CCDC171: variants seen among roughly 807,000 people sequenced by gnomAD.
The protein encoded by CCDC171 is coiled-coil domain-containing protein 171.
In CCDC171, 177 loss-of-function variants were observed where a neutral mutation model predicts 168.2. The observed-to-expected ratio is 1.05, with a 90% confidence interval of 0.93 to 1.19. The LOEUF (loss-of-function observed/expected upper bound fraction) is 1.19, where lower values mean the gene tolerates loss of function less well. Among genes scored for constraint, CCDC171 ranks in the 50% most tolerant of loss-of-function variants. The pLI is 0.00. For synonymous variants in CCDC171, 687 were observed against 540.8 expected, an observed-to-expected ratio of 1.27 and a Z score of -3.75; for missense variants, 1,991 against 1,539.0, an observed-to-expected ratio of 1.29 and a Z score of -4.91.
At chr9:15,947,939 A>G (rs1234424202) in intron 25 of CCDC171, among the ~76,000 whole-genome samples, 1 of 151,726 alleles carries the variant, frequency 6.6e-6, no homozygotes, top group Admixed American at 6.6e-5. Flanking sequence ...CTCATCATCT[A>G]GCATTGGGTA....
chr9:15,896,992 A>G (rs893318277), intron 24 of CCDC171, among the ~76,000 whole-genome samples: 1 of 152,110 alleles, frequency 6.6e-6, no homozygotes, highest in Non-Finnish European at 1.5e-5. Context: ...GCAGTGCAAG[A>G]TGAAAGCCTT....
upstream of CCDC171, among the ~76,000 whole-genome samples, chr9:16,037,922 A>G (rs1833502599): frequency 1.3e-5 from 2 of 152,186 alleles, no homozygotes; most frequent in African/African-American, 4.8e-5. Flanking sequence ...TACAATGTCT[A>G]AAAGATAAAT....
downstream of CCDC171, among the ~76,000 whole-genome samples, chr9:16,065,581 T>C (rs1411326901): frequency 6.6e-6 from 1 of 152,078 alleles, no homozygotes; most frequent in East Asian, 1.9e-4. Flanking sequence ...GCCACAACCA[T>C]GTGAGCACCA....
At chr9:16,075,933 A>T in the CCDC171 span, among the ~76,000 whole-genome samples, 1 of 152,206 alleles carries the variant, frequency 6.6e-6, no homozygotes, top group Non-Finnish European at 1.5e-5. Context: ...TCCCACCAGT[A>T]AGCACACTGT....
intron 6 of CCDC171, among the ~76,000 whole-genome samples, chr9:15,596,158 A>G (rs1166734701): frequency 2.0e-5 from 3 of 152,074 alleles, no homozygotes; most frequent in African/African-American, 4.8e-5. Flanking sequence ...ATTAGATCCC[A>G]TTTGTCAATT....
intron 21 of CCDC171, among the ~76,000 whole-genome samples, chr9:15,824,231 C>T (rs1006303561): frequency 6.6e-5 from 10 of 151,968 alleles, no homozygotes; most frequent in African/African-American, 2.4e-4. Context: ...ATACACTCTA[C>T]AGTTTATGTA....
At chr9:15,904,055 G>A (rs1027950717) in intron 24 of CCDC171, among the ~76,000 whole-genome samples, 1 of 152,184 alleles carries the variant, frequency 6.6e-6, no homozygotes, top group Non-Finnish European at 1.5e-5. Flanking sequence ...TCTGATTGGT[G>A]TACCTGAAAG....
chr9:16,063,257 A>G (rs573341929), downstream of CCDC171, among the ~76,000 whole-genome samples: 1 of 152,272 alleles, frequency 6.6e-6, no homozygotes, highest in South Asian at 2.1e-4. Context: ...GGGACTCCAG[A>G]TGCCCCAGGC....
chr9:15,830,890 A>G (rs2060201344), intron 21 of CCDC171, among the ~76,000 whole-genome samples: 1 of 151,870 alleles, frequency 6.6e-6, no homozygotes, highest in Non-Finnish European at 1.5e-5. Flanking sequence ...TGAATAATTC[A>G]TTATATTATA....
At chr9:15,834,632 C>G (rs910377740) in intron 21 of CCDC171, among the ~76,000 whole-genome samples, 1 of 152,078 alleles carries the variant, frequency 6.6e-6, no homozygotes, top group South Asian at 2.1e-4. Flanking sequence ...GTATTATTTT[C>G]TATGTTTTAG....
intron 12 of CCDC171, among the ~76,000 whole-genome samples, chr9:15,722,087 T>C (rs2053522028): frequency 6.6e-6 from 1 of 152,242 alleles, no homozygotes; most frequent in African/African-American, 2.4e-5. Flanking sequence ...AGTCACACTA[T>C]TATTTTCAAA....
chr9:16,047,504 C>T (rs537682989), intron 1 of CCDC171, among the ~76,000 whole-genome samples: 1 of 152,312 alleles, frequency 6.6e-6, no homozygotes, highest in African/African-American at 2.4e-5. Context: ...CCAGGTGGTC[C>T]CCCTGTCTCT....
chr9:15,902,092 C>T (rs895079201), intron 24 of CCDC171, among the ~76,000 whole-genome samples: 3 of 152,066 alleles, frequency 2.0e-5, no homozygotes, highest in Non-Finnish European at 2.9e-5. Flanking sequence ...ATATTAAACA[C>T]ATACTCTGTC....
chr9:15,772,803 G>C (rs1313244454), intron 18 of CCDC171, among the ~76,000 whole-genome samples: 10 of 152,104 alleles, frequency 6.6e-5, no homozygotes, highest in Admixed American at 6.6e-4. Flanking sequence ...GACTAGAGAA[G>C]AGTGCGTCTT....
At chr9:15,581,262 T>C (rs1017343127) in intron 4 of CCDC171, among the ~76,000 whole-genome samples, 4 of 152,128 alleles carry the variant, frequency 2.6e-5, no homozygotes, top group African/African-American at 7.2e-5. Flanking sequence ...TACAAACCAC[T>C]GCTCAAGGAA....
At chr9:16,068,900 C>T in the CCDC171 span, among the ~76,000 whole-genome samples, 1 of 152,218 alleles carries the variant, frequency 6.6e-6, no homozygotes, top group Non-Finnish European at 1.5e-5. Flanking sequence ...CGCCTGCCTC[C>T]TGGCTCAGCA....
chr9:15,678,304 T>C (rs974121519), intron 9 of CCDC171, among the ~76,000 whole-genome samples: 5 of 152,156 alleles, frequency 3.3e-5, no homozygotes, highest in African/African-American at 1.2e-4. Context: ...TTATTTTTCC[T>C]TTTGGATTTT....
intron 4 of CCDC171, among the ~76,000 whole-genome samples, chr9:15,583,366 C>T (rs1208224178): frequency 1.4e-5 from 2 of 147,746 alleles, no homozygotes; most frequent in Non-Finnish European, 3.0e-5. Flanking sequence ...GAGCCAAGAT[C>T]GCACCACTGC....
intron 6 of CCDC171, among the ~76,000 whole-genome samples, chr9:15,597,995 C>G (rs2042512557): frequency 6.6e-6 from 1 of 151,810 alleles, no homozygotes; most frequent in Admixed American, 6.6e-5. Context: ...GGTGATATCC[C>G]CTTTATGATT....
Sources: allele counts gnomAD v4.1 joint callset (sites outside exome capture counted in the v4.1 genomes callset), GRCh38; gene constraint gnomAD v4.1.1; transcripts MANE v1.5; gene names NCBI Gene and HGNC (gene_info 2026-07-23, HGNC 2026-07-21).